Variants in N4BP3 observed in about 807,000 individuals in gnomAD.
N4BP3 encodes NEDD4 binding protein 3, also known as NEDD4-binding protein 3.
A neutral mutation model predicts 43.8 loss-of-function variants in N4BP3; 33 were observed. The ratio of observed to expected loss-of-function variants is 0.75; its 90% confidence interval spans 0.57 to 1.01. N4BP3 has a LOEUF of 1.01. N4BP3 is among the 50% of genes least tolerant of loss of function. The pLI is 0.00. For missense variants in N4BP3, 756 were observed against 744.2 expected, an observed-to-expected ratio of 1.02 and a Z score of -0.18; for synonymous variants, 326 against 321.9, an observed-to-expected ratio of 1.01 and a Z score of -0.14.
rs1286196574 is a variant in N4BP3, at chr5:178,121,934, A to C, written c.1568A>C (p.Gln523Pro). 6.2e-7 allele frequency: 1 copy of C among 1,612,250 alleles called. No homozygotes were observed. Among genetic ancestry groups the C allele is most frequent in the South Asian group, 1.1e-5 (1 of 91,012 alleles). ...DMYRRNQALEQELRALREPPT... is the reference protein window; with the variant it reads ...DMYRRNQALEPELRALREPPT... ...TACCGCCGCAACCAGGCACTGGAGC[A>C]GGAACTGCGGGCACTGCGGGAGCCC... The change falls in exon 5 of 5, where the codon CAG becomes CCG. Residue 523 changes from glutamine (Q) to proline (P), a missense_variant. Gln to Pro is a moderately conservative substitution (Grantham distance 76). Transcript: ENST00000274605.
At chr5:178,117,893 C>T (rs750745695) in intron 1 of N4BP3, among the ~76,000 whole-genome samples, 2 of 152,052 alleles carry the variant, frequency 1.3e-5, no homozygotes, top group Non-Finnish European at 2.9e-5. Flanking sequence ...GGCAGGTCCC[C>T]CTCCCGGAGA....
rs369754015 is a variant in N4BP3, at chr5:178,119,638, T to C, written c.55T>C (p.Leu19=). 2.0e-5 allele frequency: 32 copies of C among 1,585,248 alleles called. No homozygotes were observed. Among genetic ancestry groups the C allele is most frequent in the African/African-American group, 5.4e-5 (4 of 74,310 alleles). ...TGCCATGGGCAGCGTGGGCAGCCTGTTGGAACGGCAGGACTTCTCCCCTGA... is the reference window on the plus strand; with the variant it reads ...TGCCATGGGCAGCGTGGGCAGCCTGCTGGAACGGCAGGACTTCTCCCCTGA... ...GIAMGSVGSL[L]ERQDFSPEEL... is the part of the protein sequence containing the mutation. The change falls in exon 2 of 5, where the codon TTG becomes CTG. Residue 19 remains leucine (L), a synonymous_variant. Coordinates refer to ENST00000274605, the MANE Select transcript of N4BP3 (RefSeq NM_015111.2).
At position 178,121,470 on chromosome 5, in the gene N4BP3, C is replaced by T. The variant is rs760019698; in HGVS notation, c.1108-4C>T. 24 of 1,613,786 alleles carry T rather than the reference C, an allele frequency of 1.5e-5. No homozygotes were observed. The highest frequency in any genetic ancestry group is 1.9e-5 in the Non-Finnish European group (22 of 1,179,988). On this transcript the variant is annotated splice_region_variant and splice_polypyrimidine_tract_variant and intron_variant, in intron 4 of 4. Transcript: ENST00000274605. ...ACTTTGCTTGCGTCCTCCCCATCCCCCAGGTGTGCCAGAAGACAGCAGAGA... is the reference window on the plus strand; with the variant it reads ...ACTTTGCTTGCGTCCTCCCCATCCCTCAGGTGTGCCAGAAGACAGCAGAGA...
intron 1 of N4BP3, among the ~76,000 whole-genome samples, chr5:178,114,826 G>A (rs1228905674): frequency 6.6e-6 from 1 of 152,254 alleles, no homozygotes; most frequent in African/African-American, 2.4e-5. Context: ...GACCTGGGGG[G>A]CAGCAGGAGG....
rs992131570 is a variant in N4BP3 at position 178,118,504 on chromosome 5, G to A, written c.-30-1050G>A. Among the ~76,000 whole-genome samples the A allele has an allele frequency of 6.6e-5, 10 of 152,176 alleles. No individual in the cohort carries two copies. Among genetic ancestry groups the A allele is most frequent in the South Asian group, 2.1e-4 (1 of 4,836 alleles). On this transcript the variant is annotated intron_variant, in intron 1 of 4. Transcript: ENST00000274605. The surrounding 1 kb of genome is among the most constrained non-coding windows in gnomAD (Gnocchi z 5.4). ...CCACCCTGCCGGGTGGTGGGCTTTG[G>A]AATAAGAGCATATACAGGGGCTGGA...
chr5:178,117,929 C>T (rs1279386656), intron 1 of N4BP3, among the ~76,000 whole-genome samples: 2 of 152,108 alleles, frequency 1.3e-5, no homozygotes, highest in Non-Finnish European at 2.9e-5. Context: ...AACACAAAAC[C>T]TGGAAATGGT....
At chr5:178,126,827 G>A (rs1437460810), downstream of N4BP3, among the ~76,000 whole-genome samples, 1 of 152,124 alleles carries the variant, frequency 6.6e-6, no homozygotes, top group Non-Finnish European at 1.5e-5. Flanking sequence ...GGTTTTATCT[G>A]CATGACAAGA....
In N4BP3 at chr5:178,115,551, C is replaced by T. The variant is rs550509484; in HGVS notation, c.-31+1780C>T. On this transcript the variant is annotated intron_variant, in intron 1 of 4. Transcript: ENST00000274605. Reference sequence around the variant, plus strand: ...CCCAGAGGAGATGCAAGGTGGGATCCGAGAGGACTTCTAATCCTGGAGCCT... The same window carrying T: ...CCCAGAGGAGATGCAAGGTGGGATCTGAGAGGACTTCTAATCCTGGAGCCT... Among the ~76,000 whole-genome samples, 16 of 152,304 alleles carry T rather than the reference C, an allele frequency of 1.1e-4. No individual in the cohort carries two copies. The South Asian group carries it at 1.4e-3, about 14-fold the overall frequency.
chr5:178,121,304 C>A lies in N4BP3; in HGVS notation c.1059C>A (p.Leu353=). ...LAPEPRAPGT[L]PEADPSARPE... ...CGGAGCCTCGGGCCCCCGGCACCCT[C>A]CCAGAGGCTGACCCCAGTGCACGAC... The change falls in exon 4 of 5, where the codon CTC becomes CTA. Residue 353 remains leucine (L), a synonymous_variant. Transcript: ENST00000274605. 1 of 1,606,256 alleles carries A rather than the reference C, an allele frequency of 6.2e-7. No individual in the cohort carries two copies. Among genetic ancestry groups the A allele is most frequent in the Non-Finnish European group, 8.5e-7 (1 of 1,175,556 alleles).
chr5:178,119,385 G>A (rs1450255983), intron 1 of N4BP3, among the ~76,000 whole-genome samples, 169 bp from the exon 2 acceptor site: 3 of 152,208 alleles, frequency 2.0e-5, no homozygotes, highest in Non-Finnish European at 2.9e-5. Flanking sequence ...TCTTTCTCTT[G>A]CCAGTCTAGG....
In N4BP3 at chr5:178,119,924, G is replaced by GC. The variant is rs746319873; in HGVS notation, c.330+14dup. ...GGTCGCTTTGACAAGGTGCACCTTT[G>GC]CCCATGCCCCTTACAAGGTGTGGGG... is the stretch of plus-strand genomic sequence containing the variant. On this transcript the variant is annotated intron_variant, in intron 2 of 4. Transcript: ENST00000274605. The GC allele has an allele frequency of 3.4e-5, 54 of 1,588,574 alleles. No homozygotes were observed. Among genetic ancestry groups the GC allele is most frequent in the Non-Finnish European group, 4.6e-5 (54 of 1,170,144 alleles).
At chr5:178,121,393 T>C in intron 4 of N4BP3, 41 bp downstream of exon 4, 1 of 1,611,474 alleles carries the variant, frequency 6.2e-7, no homozygotes, top group African/African-American at 1.3e-5. Flanking sequence ...CCCATCTCCA[T>C]TGCCGGTCCC....
At chr5:178,126,715 C>T (rs1174532716), downstream of N4BP3, among the ~76,000 whole-genome samples, 1 of 152,168 alleles carries the variant, frequency 6.6e-6, no homozygotes, top group African/African-American at 2.4e-5. Context: ...ATGCCATTGT[C>T]TTGAGCCCTT....
At chr5:178,114,573 C>T (rs950494445) in intron 1 of N4BP3, among the ~76,000 whole-genome samples, 1 of 152,354 alleles carries the variant, frequency 6.6e-6, no homozygotes, top group African/African-American at 2.4e-5. Flanking sequence ...CCGACCCCAA[C>T]CACATAGGAA....
chr5:178,121,983 C>T lies in N4BP3; in HGVS notation c.1617C>T (p.Leu539=), dbSNP rs374920549. The T allele has an allele frequency of 8.1e-5, 130 of 1,599,152 alleles. No individual in the cohort carries two copies. Among genetic ancestry groups the T allele is most frequent in the South Asian group, 1.1e-4 (10 of 89,296 alleles). The part of the protein sequence containing the change: ...REPPTPWSPR[L]ESSKI ...CCCCCACACCCTGGAGTCCCCGGCT[C>T]GAGTCCTCCAAGATCTGAGGCCAGC... Residue 539 remains leucine (L), a synonymous_variant, in exon 5 of 5, where the codon CTC becomes CTT. Coordinates refer to ENST00000274605, the MANE Select transcript of N4BP3 (RefSeq NM_015111.2).
In N4BP3 at chr5:178,118,731, TGCAGGGG is replaced by T. The variant is rs1466391632; in HGVS notation, c.-30-822_-30-816del. ...CTTTGCCCTTTGCAGGAAGAGGGCCTGCAGGGGTTACCCCTCTCCCATGGGAAGGAGG... is the reference window on the plus strand; with the variant it reads ...CTTTGCCCTTTGCAGGAAGAGGGCCTTTACCCCTCTCCCATGGGAAGGAGG... On this transcript the variant is annotated intron_variant, in intron 1 of 4. Coordinates refer to ENST00000274605, the MANE Select transcript of N4BP3 (RefSeq NM_015111.2). This position sits in a 1 kb window ranked among gnomAD's most constrained non-coding sequence, Gnocchi z 5.4. Among the ~76,000 whole-genome samples the T allele has an allele frequency of 6.7e-6, 1 of 148,346 alleles. No individual in the cohort carries two copies. The highest frequency in any genetic ancestry group is 2.5e-5 in the African/African-American group (1 of 40,768).
Position 178,124,894 on chromosome 5 carries a change from C to T in N4BP3, c.*2893C>T, listed in dbSNP as rs1033967558. On this transcript the variant is annotated 3_prime_UTR_variant, in exon 5 of 5. Coordinates refer to ENST00000274605, the MANE Select transcript of N4BP3 (RefSeq NM_015111.2). ...CTGCGCCCACAGCCCCCATGCCAAT[C>T]TCCGTCAGCTCTTTCTGTGCTGCTG... is the stretch of plus-strand genomic sequence containing the variant. 1.3e-5 allele frequency: 2 copies of T among 152,584 alleles called. No individual in the cohort carries two copies. Among genetic ancestry groups the T allele is most frequent in the Non-Finnish European group, 2.9e-5 (2 of 68,296 alleles). The allele number at this position is 152,584 out of a possible 1,614,324, so 9.5% of individuals were successfully genotyped here.
Position 178,122,259 on chromosome 5 carries a change from G to T in N4BP3, c.*258G>T. On this transcript the variant is annotated 3_prime_UTR_variant, in exon 5 of 5. Coordinates refer to ENST00000274605, the MANE Select transcript of N4BP3 (RefSeq NM_015111.2). ...CCTGGAGTGGATGTGGCCCAGAGAA[G>T]GAGGCTGGGGGATCACCAGCCCCAA... 1 of 442,174 alleles carries T rather than the reference G, an allele frequency of 2.3e-6. No individual in the cohort carries two copies. The allele number at this position is 442,174 out of a possible 1,614,324, so 27.4% of individuals were successfully genotyped here. A position where few individuals can be genotyped will look rare whatever the true frequency, so the allele number is the denominator to read the frequency against.
At chr5:178,120,759 A>G (rs573983554) in intron 3 of N4BP3, 60 bp downstream of exon 3, 2 of 1,482,630 alleles carry the variant, frequency 1.3e-6, no homozygotes, top group Middle Eastern at 2.1e-4. Context: ...TACAGGCCAG[A>G]GAGAGGGGCC....
Sources: gnomAD v4.1 joint callset for allele counts (sites outside exome capture counted in the v4.1 genomes callset) on GRCh38, gnomAD v4.1.1 for gene constraint, Gnocchi (gnomAD v3.1) non-coding constraint, MANE v1.5 for transcripts, NCBI Gene and HGNC (gene_info 2026-07-23, HGNC 2026-07-21) for gene names.